The following RGR variants were observed in gnomAD, a reference collection of about 807,000 sequenced individuals.
The protein encoded by RGR is RPE-retinal G protein-coupled receptor.
In RGR, 30 loss-of-function variants were observed where a neutral mutation model predicts 28.6. The ratio of observed to expected loss-of-function variants is 1.05; its 90% confidence interval spans 0.78 to 1.42. RGR has a LOEUF of 1.42. Among genes scored for constraint, RGR ranks in the 40% most tolerant of loss-of-function variants. The pLI, the probability that RGR is intolerant of heterozygous loss-of-function variation, is 0.00. For synonymous variants in RGR, 180 were observed against 156.4 expected, an observed-to-expected ratio of 1.15 and a Z score of -1.13; for missense variants, 404 against 375.6, an observed-to-expected ratio of 1.08 and a Z score of -0.62.
chr10:84,248,458 G>A, intron 2 of RGR: 1 of 274,784 alleles, frequency 3.6e-6, no homozygotes, highest in Non-Finnish European at 7.1e-6. Context: ...TGACCAGCCT[G>A]GGGGGTCTGC....
chr10:84,251,999 T>G (rs994299867), intron 3 of RGR, among the ~76,000 whole-genome samples: 1 of 152,148 alleles, frequency 6.6e-6, no homozygotes, highest in African/African-American at 2.4e-5. Flanking sequence ...CCTGGTATCT[T>G]ATATACAAAG....
chr10:84,257,501 G>A (rs1412919231), intron 5 of RGR, among the ~76,000 whole-genome samples: 1 of 152,142 alleles, frequency 6.6e-6, no homozygotes, highest in Admixed American at 6.5e-5. Flanking sequence ...TTGGGAGGCC[G>A]AGGCAGGAGA....
chr10:84,247,530 A>AGG, intron 1 of RGR, 61 bp from the exon 2 acceptor site: 1 of 1,599,806 alleles, frequency 6.3e-7, no homozygotes, highest in South Asian at 1.1e-5. Context: ...CCCCACACAC[A>AGG]CTGTTCTGAC....
At position 84,248,940 on chromosome 10, in the gene RGR, G is replaced by T; in HGVS notation, c.255G>T (p.Ser85=). The change falls in exon 3 of 7, where the codon TCG becomes TCT. Residue 85 remains serine, a synonymous_variant. Coordinates refer to ENST00000652092, the MANE Select transcript of RGR (RefSeq NM_001012720.2). ...CCCACAGGCGCTGGCCCTACGGCTCGGACGGCTGCCAGGCTCACGGCTTCC... is the reference window on the plus strand; with the variant it reads ...CCCACAGGCGCTGGCCCTACGGCTCTGACGGCTGCCAGGCTCACGGCTTCC... ...SSLLRRWPYG[S]DGCQAHGFQG... The T allele has an allele frequency of 1.2e-6, 2 of 1,613,400 alleles. No individual in the cohort carries two copies. The highest frequency in any genetic ancestry group is 1.7e-6 in the Non-Finnish European group (2 of 1,179,924).
chr10:84,258,793 G>C lies in RGR; in HGVS notation c.*154G>C. 3 of 1,151,276 alleles carry C rather than the reference G, an allele frequency of 2.6e-6. No individual in the cohort carries two copies. The highest frequency in any genetic ancestry group is 3.7e-6 in the Non-Finnish European group (3 of 800,372). 71.3% of individuals were successfully genotyped at this position (1,151,276 alleles called of 1,614,324 possible). Reference sequence around the variant, plus strand: ...GACACAGGATTCAGAAAGACACCAGGCTGCACAGAAAGAGCCAGATGGACC... The same window carrying C: ...GACACAGGATTCAGAAAGACACCAGCCTGCACAGAAAGAGCCAGATGGACC... On this transcript the variant is annotated 3_prime_UTR_variant, in exon 7 of 7. Coordinates refer to ENST00000652092, the MANE Select transcript of RGR (RefSeq NM_001012720.2).
At position 84,258,765 on chromosome 10, in the gene RGR, C is replaced by A; in HGVS notation, c.*126C>A. ...TGGCCCCGTGGATCCTGGTCCTAGG[C>A]TGGACACAGGATTCAGAAAGACACC... On this transcript the variant is annotated 3_prime_UTR_variant, in exon 7 of 7. Coordinates refer to ENST00000652092, the MANE Select transcript of RGR (RefSeq NM_001012720.2). The A allele has an allele frequency of 1.4e-6, 2 of 1,392,504 alleles. No individual in the cohort carries two copies. The highest frequency in any genetic ancestry group is 2.0e-6 in the Non-Finnish European group (2 of 1,008,714). 86.3% of individuals were successfully genotyped at this position (1,392,504 alleles called of 1,614,324 possible).
intron 2 of RGR, 54 bp from the exon 3 acceptor site, chr10:84,248,868 T>A (rs1334728178): frequency 1.2e-6 from 2 of 1,613,888 alleles, no homozygotes; most frequent in African/African-American, 1.3e-5. Context: ...TTGGCAGGTG[T>A]GGGAGGTGGA....
intron 5 of RGR, chr10:84,255,501 A>G (rs185176871): frequency 2.0e-4 from 31 of 152,350 alleles, no homozygotes; most frequent in African/African-American, 7.0e-4. Flanking sequence ...AAATCAACCT[A>G]TAAGCACATT....
rs372512494 is a variant in RGR at position 84,257,961 on chromosome 10, C to T, written c.699C>T (p.Tyr233=). The part of the protein sequence containing the change: ...GWGPYAILYL[Y]AVIADVTSIS... ...GCCCCTATGCCATCCTGTATCTATA[C>T]GCAGTCATCGCAGACGTGACTTCCA... Residue 233 remains tyrosine, a synonymous_variant, in exon 6 of 7, where the codon TAC becomes TAT. Transcript: ENST00000652092. 2.2e-4 allele frequency: 351 copies of T among 1,614,074 alleles called. No individual in the cohort carries two copies. Among genetic ancestry groups the T allele is most frequent in the Non-Finnish European group, 2.7e-4 (319 of 1,180,038 alleles).
chr10:84,245,254 G>A, intron 1 of RGR, 85 bp downstream of exon 1: 2 of 1,409,582 alleles, frequency 1.4e-6, no homozygotes, highest in Non-Finnish European at 2.0e-6. Context: ...GCAAGGAGAG[G>A]AGAGGTCCCC....
Position 84,249,047 on chromosome 10 carries a change from T to C in RGR, c.358+4T>C, listed in dbSNP as rs1356322249. On this transcript the variant is annotated splice_donor_region_variant and intron_variant, in intron 3 of 6. Coordinates refer to ENST00000652092, the MANE Select transcript of RGR (RefSeq NM_001012720.2). ...CGTTATCACCACTACTGCACCCGTA[T>C]GTATCTGGGCTCCTGGAGTGGAGGG... The C allele has an allele frequency of 7.4e-6, 12 of 1,613,754 alleles. No individual in the cohort carries two copies. The African/African-American group carries it at 1.1e-4, about 14-fold the overall frequency.
In RGR at chr10:84,248,793, A is replaced by G. The variant is rs1023077423; in HGVS notation, c.237-129A>G. The G allele has an allele frequency of 2.6e-6, 4 of 1,553,412 alleles. No homozygotes were observed. The African/African-American group carries it at 4.1e-5, about 16-fold the overall frequency. On this transcript the variant is annotated intron_variant, in intron 2 of 6. Coordinates refer to ENST00000652092, the MANE Select transcript of RGR (RefSeq NM_001012720.2). Reference sequence around the variant, plus strand: ...AGCTCCAACGCCTCATAGGAAAGACACCAATATTAAGGCCCTCTTCAGAGA... The same window carrying G: ...AGCTCCAACGCCTCATAGGAAAGACGCCAATATTAAGGCCCTCTTCAGAGA...
intron 5 of RGR, among the ~76,000 whole-genome samples, chr10:84,257,623 TCTCGGCCTCCAGC>T (rs1205833354): frequency 1.3e-5 from 2 of 152,180 alleles, no homozygotes; most frequent in Non-Finnish European, 2.9e-5. Flanking sequence ...ATCCACCCAG[TCTCGGCCTCCAGC>T]CACGTTGGGT....
chr10:84,247,962 G>A lies in RGR; in HGVS notation c.236+215G>A, dbSNP rs1374859438. On this transcript the variant is annotated intron_variant, in intron 2 of 6. Coordinates refer to ENST00000652092, the MANE Select transcript of RGR (RefSeq NM_001012720.2). Reference sequence around the variant, plus strand: ...GGGGTTGCTGAAACCTGATGAAAGAGATGGTAGGCTGTAGAGATCAATGGT... The same window carrying A: ...GGGGTTGCTGAAACCTGATGAAAGAAATGGTAGGCTGTAGAGATCAATGGT... The A allele has an allele frequency of 3.7e-5, 27 of 729,954 alleles. No homozygotes were observed. In the South Asian group the frequency reaches 4.7e-4, roughly 13 times the overall value. 45.2% of individuals were successfully genotyped at this position (729,954 alleles called of 1,614,324 possible).
At position 84,245,146 on chromosome 10, in the gene RGR, T is replaced by TG; in HGVS notation, c.60dup (p.Met21AspfsTer101). ...TTCGGGGAGCTCGAGGTGCTGGCTG[T>TG]GGGGATGGTGCTACTGGTGGAAGGT... On this transcript the variant is annotated frameshift_variant, in exon 1 of 7. Coordinates refer to ENST00000652092, the MANE Select transcript of RGR (RefSeq NM_001012720.2). LOFTEE classifies it high-confidence loss of function. The TG allele has an allele frequency of 6.2e-7, 1 of 1,612,980 alleles. No homozygotes were observed.
intron 1 of RGR, among the ~76,000 whole-genome samples, chr10:84,246,407 A>G (rs1412961673): frequency 1.3e-5 from 2 of 151,980 alleles, no homozygotes; most frequent in African/African-American, 4.8e-5. Flanking sequence ...CTGAGTCTCC[A>G]GAGTCCATTG....
intron 2 of RGR, 171 bp from the exon 3 acceptor site, chr10:84,248,751 T>C: frequency 3.3e-6 from 4 of 1,212,370 alleles, no homozygotes; most frequent in Non-Finnish European, 4.7e-6. Flanking sequence ...GCTCCACCCC[T>C]TCAGCCCAGT....
intron 2 of RGR, 93 bp from the exon 3 acceptor site, chr10:84,248,829 C>A (rs1222561081): frequency 6.2e-7 from 1 of 1,609,426 alleles, no homozygotes; most frequent in Non-Finnish European, 8.5e-7. Context: ...AGAAGGGCAG[C>A]ATTCAGGAAC....
At chr10:84,246,916 T>C (rs1564547888) in intron 1 of RGR, among the ~76,000 whole-genome samples, 1 of 152,228 alleles carries the variant, frequency 6.6e-6, no homozygotes, top group Non-Finnish European at 1.5e-5. Flanking sequence ...TACCATAGCA[T>C]GTCTTTGCAC....
Sources: gnomAD v4.1 joint callset for allele counts (sites outside exome capture counted in the v4.1 genomes callset) on GRCh38, gnomAD v4.1.1 for gene constraint, MANE v1.5 for transcripts, NCBI Gene and HGNC (gene_info 2026-07-23, HGNC 2026-07-21) for gene names.